INPP5A: variants seen among roughly 807,000 people sequenced by gnomAD.
INPP5A encodes the protein 43 kDa inositol polyphosphate 5-phophatase.
INPP5A carries 14 observed loss-of-function variants against 65.2 expected under a neutral mutation model. The observed-to-expected ratio is 0.21, with a 90% confidence interval of 0.14 to 0.34. The LOEUF is 0.34. Among genes scored for constraint, INPP5A ranks in the 10% least tolerant of loss-of-function variants. The pLI is 1.00. For missense variants in INPP5A, 431 were observed against 545.6 expected, an observed-to-expected ratio of 0.79 and a Z score of 2.09; for synonymous variants, 207 against 208.3, an observed-to-expected ratio of 0.99 and a Z score of 0.05.
intron 2 of INPP5A, among the ~76,000 whole-genome samples, chr10:132,618,489 G>T (rs2072070451): frequency 6.6e-6 from 1 of 152,214 alleles, no homozygotes; most frequent in Admixed American, 6.5e-5. Flanking sequence ...TCTCATTATT[G>T]CTCATTTTAA....
At chr10:132,560,904 C>A (rs1461383974) in intron 1 of INPP5A, among the ~76,000 whole-genome samples, 1 of 151,720 alleles carries the variant, frequency 6.6e-6, no homozygotes, top group African/African-American at 2.4e-5. Flanking sequence ...CCACCATGCC[C>A]AGGCTTTTTT....
At chr10:132,759,131 G>A (rs1470405507) in intron 11 of INPP5A, among the ~76,000 whole-genome samples, 1 of 152,224 alleles carries the variant, frequency 6.6e-6, no homozygotes, top group East Asian at 1.9e-4. Context: ...GTGTGCAGCA[G>A]GTCAGCGTGG....
In INPP5A at chr10:132,698,199, C is replaced by T. The variant is rs1845376846; in HGVS notation, c.474+280C>T. Among the ~76,000 whole-genome samples the T allele has an allele frequency of 4.6e-5, 7 of 152,228 alleles. No individual in the cohort carries two copies. In the South Asian group the frequency reaches 1.4e-3, roughly 32 times the overall value. ...CCTTCGCCAAAAGATGTAGGAAAAT[C>T]ATTCAGCTCCCTTGGCGTGCACCTG... On this transcript the variant is annotated intron_variant, in intron 6 of 15. Transcript: ENST00000368594. The surrounding 1 kb of genome is among the most constrained non-coding windows in gnomAD (Gnocchi z 5.5).
chr10:132,666,894 T>C (rs1261497500), intron 4 of INPP5A, among the ~76,000 whole-genome samples: 1 of 152,188 alleles, frequency 6.6e-6, no homozygotes, highest in Non-Finnish European at 1.5e-5. Context: ...TGGAGATAAC[T>C]TGAGTCATAA....
chr10:132,539,011 TTCTGGACCCTGCCCCTAA>T (rs2070876743), intron 1 of INPP5A, among the ~76,000 whole-genome samples: 1 of 152,050 alleles, frequency 6.6e-6, no homozygotes, highest in South Asian at 2.1e-4. Context: ...CCAAACCCAA[TTCTGGACCCTGCCCCTAA>T]CTCTGGTTCC....
chr10:132,596,913 GCATGTGTGCGCGCATGTGCA>G (rs2071702418), intron 1 of INPP5A, among the ~76,000 whole-genome samples: 1 of 42,964 alleles, frequency 2.3e-5, no homozygotes, highest in Non-Finnish European at 7.6e-5. Flanking sequence ...GTGCATGTGT[GCATGTGTGCGCGCATGTGCA>G]CGCATGTGTG....
In INPP5A at chr10:132,704,559, C is replaced by T. The variant is rs575451957; in HGVS notation, c.475-3754C>T. Among the ~76,000 whole-genome samples, 18 of 152,352 alleles carry T rather than the reference C, an allele frequency of 1.2e-4. No individual in the cohort carries two copies. The highest frequency in any genetic ancestry group is 4.1e-4 in the South Asian group (2 of 4,828). On this transcript the variant is annotated intron_variant, in intron 6 of 15. Coordinates refer to ENST00000368594, the MANE Select transcript of INPP5A (RefSeq NM_005539.5). The surrounding 1 kb of genome is among the most constrained non-coding windows in gnomAD (Gnocchi z 4.5). ...GGCTCTGTCCTCCCCTCCTTGTACC[C>T]GAGGCCCCACAGCTGGGACTTGAAC...
chr10:132,565,594 CATGT>C (rs1459109927), intron 1 of INPP5A, among the ~76,000 whole-genome samples: 1 of 151,974 alleles, frequency 6.6e-6, no homozygotes, highest in Non-Finnish European at 1.5e-5. Context: ...TGCATTTGTG[CATGT>C]ATGTCACTGT....
At position 132,545,756 on chromosome 10, in the gene INPP5A, G is replaced by C. The variant is rs1209047606; in HGVS notation, c.75+7585G>C. 6.6e-6 allele frequency among the ~76,000 whole-genome samples: 1 copy of C among 152,224 alleles called. No homozygotes were observed. Among genetic ancestry groups the C allele is most frequent in the Non-Finnish European group, 1.5e-5 (1 of 68,040 alleles). On this transcript the variant is annotated intron_variant, in intron 1 of 15. Transcript: ENST00000368594. The surrounding 1 kb of genome is among the most constrained non-coding windows in gnomAD (Gnocchi z 4.6). ...GAGCTCAGAGGCTCTGGAGCCCCAA[G>C]TCGCACCCCACCAGGTCTGGTTGGT...
At position 132,674,351 on chromosome 10, in the gene INPP5A, T is replaced by C. The variant is rs1433422109; in HGVS notation, c.307-16041T>C. Among the ~76,000 whole-genome samples the C allele has an allele frequency of 6.6e-6, 1 of 152,194 alleles. No individual in the cohort carries two copies. The highest frequency in any genetic ancestry group is 1.5e-5 in the Non-Finnish European group (1 of 68,036). Reference sequence around the variant, plus strand: ...AGAGTGCACAAGCGGGTGCACTGCTTGAAGTTCTGCCCACTGGGAAGATTT... The same window carrying C: ...AGAGTGCACAAGCGGGTGCACTGCTCGAAGTTCTGCCCACTGGGAAGATTT... On this transcript the variant is annotated intron_variant, in intron 4 of 15. Coordinates refer to ENST00000368594, the MANE Select transcript of INPP5A (RefSeq NM_005539.5). The surrounding 1 kb of genome is among the most constrained non-coding windows in gnomAD (Gnocchi z 4.4).
chr10:132,688,899 C>T (rs1377688992), intron 4 of INPP5A, among the ~76,000 whole-genome samples: 2 of 151,174 alleles, frequency 1.3e-5, no homozygotes, highest in African/African-American at 2.4e-5. Flanking sequence ...AGTGGGAGAG[C>T]AAGCACGTGA....
At chr10:132,671,167 G>T (rs1005279094) in intron 4 of INPP5A, among the ~76,000 whole-genome samples, 6 of 152,162 alleles carry the variant, frequency 3.9e-5, no homozygotes, top group African/African-American at 1.4e-4. Context: ...TCTGTCAGGA[G>T]TGTCCCTGTC....
At chr10:132,593,214 T>A (rs556590732) in intron 1 of INPP5A, among the ~76,000 whole-genome samples, 1 of 152,282 alleles carries the variant, frequency 6.6e-6, no homozygotes, top group Admixed American at 6.5e-5. Flanking sequence ...CACTTTCACC[T>A]TTGCCTCAGC....
intron 2 of INPP5A, among the ~76,000 whole-genome samples, chr10:132,615,011 C>T (rs1450740493): frequency 1.3e-5 from 2 of 152,380 alleles, no homozygotes; most frequent in Non-Finnish European, 1.5e-5. Flanking sequence ...GTGAAGAGAA[C>T]GCCTTCCCGT....
intron 8 of INPP5A, among the ~76,000 whole-genome samples, chr10:132,711,473 C>T (rs555939683): frequency 2.7e-5 from 4 of 146,738 alleles, no homozygotes; most frequent in African/African-American, 7.5e-5. Flanking sequence ...GGGCTTGCAG[C>T]AGTGATGAAC....
intron 4 of INPP5A, among the ~76,000 whole-genome samples, chr10:132,670,171 C>G (rs1380296965): frequency 6.2e-5 from 9 of 144,562 alleles, no homozygotes; most frequent in Middle Eastern, 7.2e-3. Context: ...CTCCCAGAAC[C>G]TGCACCTGAC....
Position 132,596,947 on chromosome 10 carries a change from G to A in INPP5A, c.76-10968G>A, listed in dbSNP as rs1222471641. ...CGCGCATGTGCACGCATGTGTGCGT[G>A]TGTGCACACATGTGTGCGTGTGTGC... On this transcript the variant is annotated intron_variant, in intron 1 of 15. Transcript: ENST00000368594. 1.1e-3 allele frequency among the ~76,000 whole-genome samples: 145 copies of A among 134,966 alleles called. 2 individuals carry two copies. The highest frequency in any genetic ancestry group is 4.3e-3 in the African/African-American group (140 of 32,552). 88.5% of individuals were successfully genotyped at this position (134,966 alleles called of 152,430 possible).
chr10:132,596,927 A>ATGTGCACGCATGTGCGCGCG (rs2071704113), intron 1 of INPP5A, among the ~76,000 whole-genome samples: 1 of 14,516 alleles, frequency 6.9e-5, no homozygotes, highest in African/African-American at 8.2e-5. Flanking sequence ...GTGTGCGCGC[A>ATGTGCACGCATGTGCGCGCG]TGTGCACGCA....
intron 4 of INPP5A, among the ~76,000 whole-genome samples, chr10:132,657,819 C>T (rs908579518): frequency 6.6e-6 from 1 of 152,202 alleles, no homozygotes; most frequent in Admixed American, 6.5e-5. Flanking sequence ...CCCTGGGGCT[C>T]GCTGCCTCCT....
Sources: gnomAD v4.1 joint callset for allele counts (sites outside exome capture counted in the v4.1 genomes callset) on GRCh38, gnomAD v4.1.1 for gene constraint, Gnocchi (gnomAD v3.1) non-coding constraint, MANE v1.5 for transcripts, NCBI Gene and HGNC (gene_info 2026-07-23, HGNC 2026-07-21) for gene names.